RNF6: variants seen among roughly 807,000 people sequenced by gnomAD.
The protein encoded by RNF6 is E3 ubiquitin-protein ligase RNF6.
In RNF6, 21 loss-of-function variants were observed where a neutral mutation model predicts 50.1. The observed-to-expected ratio is 0.42, with a 90% CI of 0.30 to 0.60. The LOEUF (loss-of-function observed/expected upper bound fraction) is 0.60. Ranked by LOEUF, RNF6 falls within the 20% of genes least tolerant of loss-of-function variation. The probability of loss-of-function intolerance (pLI) is 0.20; values close to 1 mark genes in which losing one functional copy is unlikely to be tolerated. For missense variants in RNF6, 698 were observed against 838.2 expected (o/e 0.83, Z 2.07); for synonymous variants, 255 against 291.8 (o/e 0.87, Z 1.29).
At chr13:26,186,697 G>C (rs9553762) in intron 5 of RNF6, among the ~76,000 whole-genome samples, 1 of 152,168 alleles carries the variant, frequency 6.6e-6, no homozygotes, top group Non-Finnish European at 1.5e-5. Flanking sequence ...TTCCTTCGCT[G>C]TGCTGACCGT....
intron 5 of RNF6, among the ~76,000 whole-genome samples, chr13:26,138,689 T>A (rs1225271584): frequency 6.6e-6 from 1 of 152,178 alleles, no homozygotes; most frequent in African/African-American, 2.4e-5. Flanking sequence ...TGTTATAAAT[T>A]AAGATTAAGA....
intron 5 of RNF6, among the ~76,000 whole-genome samples, chr13:26,154,365 GA>G (rs1403079769): frequency 6.6e-6 from 1 of 152,174 alleles, no homozygotes; most frequent in Admixed American, 6.5e-5. Flanking sequence ...AGCAATCTCA[GA>G]ATAAAAGAAT....
intron 5 of RNF6, among the ~76,000 whole-genome samples, chr13:26,178,638 G>GTA (rs1873084842): frequency 1.4e-5 from 2 of 141,736 alleles, no homozygotes; most frequent in Non-Finnish European, 3.0e-5. Flanking sequence ...GTGTGTGTGT[G>GTA]TGTGGTGAGA....
chr13:26,184,301 G>C (rs1873411578), intron 5 of RNF6, among the ~76,000 whole-genome samples: 1 of 151,962 alleles, frequency 6.6e-6, no homozygotes, highest in African/African-American at 2.4e-5. Context: ...AAAGTGCTGG[G>C]ATTACGGGCG....
chr13:26,172,669 G>A (rs1217015352), intron 5 of RNF6, among the ~76,000 whole-genome samples: 1 of 151,824 alleles, frequency 6.6e-6, no homozygotes, highest in African/African-American at 2.4e-5. Context: ...TCAGCCTCCC[G>A]AGTAGCTGGC....
downstream of RNF6, among the ~76,000 whole-genome samples, chr13:26,208,852 G>A (rs1430796243): frequency 3.9e-5 from 6 of 152,180 alleles, no homozygotes; most frequent in African/African-American, 1.4e-4. Flanking sequence ...AAGGACAAGG[G>A]TGACATTCAA....
chr13:26,158,055 A>G (rs976374472), intron 5 of RNF6, among the ~76,000 whole-genome samples: 5 of 152,104 alleles, frequency 3.3e-5, no homozygotes, highest in Admixed American at 1.3e-4. Flanking sequence ...TAGAAAGACA[A>G]ATGGATGAAT....
intron 5 of RNF6, chr13:26,135,628 T>C (rs927796538): frequency 1.3e-5 from 2 of 152,210 alleles, no homozygotes; most frequent in African/African-American, 4.8e-5. Context: ...TGAATTACTA[T>C]CTCTTCATCA....
At chr13:26,218,344 A>C (rs1360083612) in intron 4 of RNF6, among the ~76,000 whole-genome samples, 167 bp downstream of exon 4, 1 of 152,166 alleles carries the variant, frequency 6.6e-6, no homozygotes, top group Non-Finnish European at 1.5e-5. Context: ...CCTCTGTCCT[A>C]TACTGCTTAA....
intron 5 of RNF6, among the ~76,000 whole-genome samples, chr13:26,141,778 C>A (rs1433525400): frequency 2.6e-5 from 4 of 151,974 alleles, no homozygotes; most frequent in Admixed American, 2.6e-4. Flanking sequence ...TATAAAAATT[C>A]TAAAAGAAAA....
rs182816328 is a variant in RNF6 at position 26,157,355 on chromosome 13, T to C, written n.769-24904A>G. On this transcript the variant is annotated intron_variant and non_coding_transcript_variant, in intron 5 of 5. Coordinates refer to the RNF6 transcript ENST00000468480. ...AATCTTGGACTAGAGAAGTCCATTT[T>C]AAACTTTGCAGAGAAACCAGAGAAC... Among the ~76,000 whole-genome samples the C allele has an allele frequency of 1.8e-3, 272 of 152,274 alleles. 4 individuals are homozygous for C. Among genetic ancestry groups the C allele is most frequent in the Non-Finnish European group, 1.0e-3 (69 of 68,024 alleles).
chr13:26,218,710 T>A, intron 3 of RNF6, 104 bp from the exon 4 acceptor site: 1 of 798,724 alleles, frequency 1.3e-6, no homozygotes, highest in Non-Finnish European at 2.1e-6. Flanking sequence ...GACAAATGTC[T>A]TATTACTTTC....
chr13:26,133,961 A>G (rs1189489515), intron 5 of RNF6, among the ~76,000 whole-genome samples: 2 of 152,226 alleles, frequency 1.3e-5, no homozygotes, highest in East Asian at 3.8e-4. Flanking sequence ...TCTGGATATC[A>G]TTTAAACTGT....
downstream of RNF6, among the ~76,000 whole-genome samples, chr13:26,211,686 AGGC>A: frequency 1.3e-5 from 2 of 152,280 alleles, no homozygotes; most frequent in Middle Eastern, 6.8e-3. Flanking sequence ...TGAACCTGTG[AGGC>A]GGAGGTTGCA....
chr13:26,181,050 G>A (rs976622215), intron 5 of RNF6, among the ~76,000 whole-genome samples: 2 of 152,176 alleles, frequency 1.3e-5, no homozygotes, highest in Non-Finnish European at 2.9e-5. Flanking sequence ...AGCTCCTGCT[G>A]CCCTGCTTCT....
chr13:26,194,982 T>A (rs1266527885), intron 5 of RNF6, among the ~76,000 whole-genome samples: 4 of 152,216 alleles, frequency 2.6e-5, no homozygotes, highest in African/African-American at 9.6e-5. Context: ...CAGATGTACC[T>A]AGGATCAATG....
chr13:26,179,268 C>CAG (rs1271978818), intron 5 of RNF6, among the ~76,000 whole-genome samples: 2 of 152,134 alleles, frequency 1.3e-5, no homozygotes, highest in Non-Finnish European at 2.9e-5. Context: ...GACAGACACT[C>CAG]GCATAACAAG....
chr13:26,191,370 T>G (rs1868444990), intron 5 of RNF6, among the ~76,000 whole-genome samples: 1 of 152,204 alleles, frequency 6.6e-6, no homozygotes, highest in South Asian at 2.1e-4. Flanking sequence ...TCTCCTTTCT[T>G]GTGGAGCCTA....
chr13:26,214,210 G>C lies in RNF6; in HGVS notation c.1672C>G (p.Pro558Ala). The stretch of plus-strand genomic sequence containing the variant: ...CTACTGTCACTGTTTCGAGTATGAG[G>C]CTGGGTGGTCTCGTTTTCACCATGC... ...EMHGENETTQ[P>A]HTRNSDSRGG... The change falls in exon 5 of 5, where the codon CCT becomes GCT. Residue 558 changes from proline (P) to alanine (A), a missense_variant. By Grantham distance (27) the Pro-to-Ala change is conservative. Coordinates refer to ENST00000381588, the MANE Select transcript of RNF6 (RefSeq NM_005977.4). The C allele has an allele frequency of 6.2e-7, 1 of 1,614,204 alleles. No homozygotes were observed. The highest frequency in any genetic ancestry group is 8.5e-7 in the Non-Finnish European group (1 of 1,180,046).
Sources: allele counts gnomAD v4.1 joint callset (sites outside exome capture counted in the v4.1 genomes callset), GRCh38; gene constraint gnomAD v4.1.1; transcripts MANE v1.5; gene names NCBI Gene and HGNC (gene_info 2026-07-23, HGNC 2026-07-21).